The following PHIP variants were observed in gnomAD, a reference collection of about 807,000 sequenced individuals.
PHIP encodes PH-interacting protein.
In PHIP, 54 loss-of-function variants were observed where a neutral mutation model predicts 236.8. The ratio of observed to expected loss-of-function variants is 0.23; its 90% CI spans 0.18 to 0.29. PHIP has a LOEUF of 0.29. PHIP is among the 10% of genes least tolerant of loss of function. PHIP has a pLI of 1.00. For missense variants in PHIP, 1,370 were observed against 2,190.8 expected (o/e 0.63, Z 7.48); for synonymous variants, 756 against 718.9 (o/e 1.05, Z -0.83).
At chr6:79,015,335 G>T in intron 14 of PHIP, 119 bp from the exon 15 acceptor site, 3 of 817,064 alleles carry the variant, frequency 3.7e-6, no homozygotes, top group Non-Finnish European at 3.8e-6. Flanking sequence ...GTATTAAATT[G>T]GCAAAAATCT....
intron 25 of PHIP, among the ~76,000 whole-genome samples, chr6:78,970,382 GA>G (rs202006249): frequency 8.0e-5 from 12 of 149,632 alleles, no homozygotes; most frequent in South Asian, 2.1e-4. Context: ...CGTAAAAAAG[GA>G]AAAAAAAATA....
chr6:79,073,692 C>G (rs1043763556), intron 4 of PHIP, among the ~76,000 whole-genome samples: 4 of 151,948 alleles, frequency 2.6e-5, no homozygotes, highest in African/African-American at 9.7e-5. Context: ...CATTCCTATT[C>G]ATCTCTGAAT....
intron 19 of PHIP, 22 bp from the exon 20 acceptor site, chr6:78,991,007 C>G (rs1769204731): frequency 2.1e-6 from 3 of 1,416,936 alleles, no homozygotes; most frequent in South Asian, 2.4e-5. Context: ...AAGCCATATG[C>G]ATTAATCTAG....
At chr6:79,013,989 A>G (rs1770716324) in intron 15 of PHIP, among the ~76,000 whole-genome samples, 1 of 151,602 alleles carries the variant, frequency 6.6e-6, no homozygotes, top group Non-Finnish European at 1.5e-5. Flanking sequence ...AAATCTCAAT[A>G]CAATCACAAA....
intron 30 of PHIP, among the ~76,000 whole-genome samples, chr6:78,962,249 T>G (rs1486979974): frequency 6.6e-6 from 1 of 152,044 alleles, no homozygotes; most frequent in Non-Finnish European, 1.5e-5. Context: ...ATTAGACAAG[T>G]AGAGAAAAGG....
rs1385938116 is a variant in PHIP, at chr6:78,963,086, G to C, written c.3535+11C>G. The stretch of plus-strand genomic sequence containing the variant: ...CCAGTTTTTTCTATACTCGCGTGTT[G>C]CTTTACTTACCTAGTGTCATCAACT... On this transcript the variant is annotated intron_variant, in intron 30 of 39. Coordinates refer to ENST00000275034, the MANE Select transcript of PHIP (RefSeq NM_017934.7). 8 of 1,569,884 alleles carry C rather than the reference G, an allele frequency of 5.1e-6. No homozygotes were observed. The highest frequency in any genetic ancestry group is 6.9e-6 in the Non-Finnish European group (8 of 1,161,108).
chr6:79,055,830 G>A (rs1209709529), intron 6 of PHIP, among the ~76,000 whole-genome samples: 1 of 152,206 alleles, frequency 6.6e-6, no homozygotes, highest in Non-Finnish European at 1.5e-5. Context: ...TATTCCAAGT[G>A]TAATGAACTG....
rs36160851 is a variant in PHIP, at chr6:78,940,549, T to TTTTC, written c.*143_*144insGAAA. On this transcript the variant is annotated 3_prime_UTR_variant, in exon 40 of 40. Coordinates refer to ENST00000275034, the MANE Select transcript of PHIP (RefSeq NM_017934.7). ...AGAAGTGAAGTGTCTCGTAAGTTTG[T>TTTTC]TTTTTTTTTTTTTTTTTTTTTTGCA... 2.4e-5 allele frequency: 1 copy of TTTTC among 42,052 alleles called. No individual in the cohort carries two copies. Among genetic ancestry groups the TTTTC allele is most frequent in the East Asian group, 4.4e-4 (1 of 2,266 alleles). 2.6% of individuals were successfully genotyped at this position (42,052 alleles called of 1,614,324 possible).
intron 24 of PHIP, among the ~76,000 whole-genome samples, chr6:78,976,182 G>A (rs939069779): frequency 6.7e-6 from 1 of 149,562 alleles, no homozygotes; most frequent in African/African-American, 2.4e-5. Context: ...CAGAGATATA[G>A]ATCAATGGAA....
chr6:78,994,127 C>A (rs946131869), intron 19 of PHIP, among the ~76,000 whole-genome samples: 1 of 152,086 alleles, frequency 6.6e-6, no homozygotes, highest in Non-Finnish European at 1.5e-5. Flanking sequence ...TAATTAGAAG[C>A]GGCAACTAAA....
intron 1 of PHIP, 55 bp from the exon 2 acceptor site, chr6:79,077,968 G>T: frequency 8.8e-6 from 14 of 1,592,320 alleles, no homozygotes; most frequent in Admixed American, 1.7e-5. Context: ...GGGCGGCGGG[G>T]GGCGGGGGAC....
chr6:78,994,015 A>T lies in PHIP; in HGVS notation c.2202-3030T>A, dbSNP rs141654076. ...GAGGAAAAGTATCACTGTTAACAGG[A>T]GTTTGAAAGAAGCTGATTCCAACCC... On this transcript the variant is annotated intron_variant, in intron 19 of 39. Transcript: ENST00000275034. 2.7e-3 allele frequency among the ~76,000 whole-genome samples: 407 copies of T among 152,334 alleles called. 8 individuals are homozygous for T. The highest frequency in any genetic ancestry group is 0.01 in the East Asian group (52 of 5,184).
At chr6:78,953,676 A>AT (rs2127689673) in intron 35 of PHIP, among the ~76,000 whole-genome samples, 1 of 152,192 alleles carries the variant, frequency 6.6e-6, no homozygotes, top group African/African-American at 2.4e-5. Flanking sequence ...GAAAAAAGTC[A>AT]TTTTCTGATA....
chr6:79,057,084 G>C (rs762953944), intron 6 of PHIP, among the ~76,000 whole-genome samples: 30 of 152,098 alleles, frequency 2.0e-4, no homozygotes, highest in Non-Finnish European at 4.1e-4. Flanking sequence ...AAGGTTCAGA[G>C]AGTGTCAAAA....
chr6:79,048,607 A>T (rs1772621279), intron 6 of PHIP, among the ~76,000 whole-genome samples: 1 of 152,198 alleles, frequency 6.6e-6, no homozygotes, highest in South Asian at 2.1e-4. Context: ...AACCATGGTT[A>T]AAAAAGATGA....
At chr6:79,047,571 T>C (rs1772565874) in intron 6 of PHIP, among the ~76,000 whole-genome samples, 1 of 152,178 alleles carries the variant, frequency 6.6e-6, no homozygotes, top group South Asian at 2.1e-4. Flanking sequence ...GTGTTCAAAT[T>C]TGTCACTATG....
chr6:79,073,938 T>C (rs1774020083), intron 4 of PHIP, among the ~76,000 whole-genome samples: 1 of 152,158 alleles, frequency 6.6e-6, no homozygotes, highest in Non-Finnish European at 1.5e-5. Flanking sequence ...AGTTCTTAAA[T>C]ACAATGTACT....
intron 19 of PHIP, among the ~76,000 whole-genome samples, chr6:78,995,967 G>A (rs1247857989): frequency 1.3e-5 from 2 of 152,176 alleles, no homozygotes; most frequent in East Asian, 3.8e-4. Context: ...CCACAGTCTT[G>A]CTTGACCATA....
chr6:78,991,013 T>A lies in PHIP; in HGVS notation c.2202-28A>T, dbSNP rs182237717. ...GAAAGACAAAAGCCATATGCATTAA[T>A]CTAGAATTTTACACATAACTTTCCT... On this transcript the variant is annotated intron_variant, in intron 19 of 39. Coordinates refer to ENST00000275034, the MANE Select transcript of PHIP (RefSeq NM_017934.7). The A allele has an allele frequency of 2.5e-4, 343 of 1,371,364 alleles. No homozygotes were observed. The African/African-American group carries it at 4.5e-3, about 18-fold the overall frequency. The allele number at this position is 1,371,364 out of a possible 1,614,324, so 84.9% of individuals were successfully genotyped here. A position where few individuals can be genotyped will look rare whatever the true frequency, so the allele number is the denominator to read the frequency against.
Sources: gnomAD v4.1 joint callset for allele counts (sites outside exome capture counted in the v4.1 genomes callset) on GRCh38, gnomAD v4.1.1 for gene constraint, MANE v1.5 for transcripts, NCBI Gene and HGNC (gene_info 2026-07-23, HGNC 2026-07-21) for gene names.